The following UBE2K variants were observed in gnomAD, a reference collection of about 807,000 sequenced individuals.
UBE2K encodes ubiquitin conjugating enzyme E2 K.
A neutral mutation model predicts 30.0 loss-of-function variants in UBE2K; 6 were observed. That is an observed-to-expected ratio of 0.20 (90% CI 0.11 to 0.39). UBE2K has a LOEUF of 0.39. Ranked by LOEUF, UBE2K falls within the 10% of genes least tolerant of loss-of-function variation. The pLI is 1.00. For synonymous variants in UBE2K, 86 were observed against 83.7 expected, an observed-to-expected ratio of 1.03 and a Z score of -0.15; for missense variants, 61 against 241.6, an observed-to-expected ratio of 0.25 and a Z score of 4.96.
intron 1 of UBE2K, among the ~76,000 whole-genome samples, chr4:39,725,377 CAAAAAAAAAAAAAAAA>C (rs56021137): frequency 0.012 from 807 of 69,302 alleles, 19 homozygotes; most frequent in African/African-American, 0.046. Flanking sequence ...GACCCTGTCT[CAAAAAAAAAAAAAAAA>C]AAAAAAAAAA....
intron 2 of UBE2K, among the ~76,000 whole-genome samples, chr4:39,740,807 G>A (rs1234172147): frequency 6.8e-6 from 1 of 147,996 alleles, no homozygotes; most frequent in African/African-American, 2.5e-5. Flanking sequence ...AGCTTGCAGT[G>A]AGCCGAGATT....
chr4:39,747,862 C>T (rs1054158133), intron 3 of UBE2K, among the ~76,000 whole-genome samples: 1 of 150,038 alleles, frequency 6.7e-6, no homozygotes, highest in Admixed American at 6.7e-5. Flanking sequence ...AGTACAGTGG[C>T]GCGGTCTCGG....
At chr4:39,768,042 C>T (rs770138258) in intron 4 of UBE2K, among the ~76,000 whole-genome samples, 3 of 152,094 alleles carry the variant, frequency 2.0e-5, no homozygotes, top group Non-Finnish European at 4.4e-5. Flanking sequence ...ATGCTGATAA[C>T]ATCTAGGTAG....
chr4:39,701,375 A>G (rs1298539332), intron 1 of UBE2K, among the ~76,000 whole-genome samples: 1 of 152,160 alleles, frequency 6.6e-6, no homozygotes, highest in African/African-American at 2.4e-5. Flanking sequence ...ACTATTAGTT[A>G]TTGCTGCTGT....
intron 1 of UBE2K, among the ~76,000 whole-genome samples, chr4:39,708,533 AT>A (rs1718501742): frequency 6.6e-6 from 1 of 152,012 alleles, no homozygotes; most frequent in South Asian, 2.1e-4. Context: ...CTAATAACCG[AT>A]TAGTTTTGAG....
At chr4:39,766,780 C>T (rs111709089) in intron 4 of UBE2K, among the ~76,000 whole-genome samples, 6,594 of 152,060 alleles carry the variant, frequency 0.043, 241 homozygotes, top group Middle Eastern at 0.1. Flanking sequence ...GACAGAGTCT[C>T]GCTCTGTCGC....
intron 1 of UBE2K, among the ~76,000 whole-genome samples, chr4:39,705,632 G>C (rs1454145271): frequency 2.0e-5 from 3 of 152,140 alleles, no homozygotes; most frequent in Non-Finnish European, 4.4e-5. Context: ...GGGGCAAAGA[G>C]TAAATGCTAT....
At chr4:39,770,531 G>A (rs755532052) in intron 4 of UBE2K, 133 of 1,602,418 alleles carry the variant, frequency 8.3e-5, no homozygotes, top group South Asian at 1.8e-4. Context: ...CCGCCCCCCG[G>A]GCAACCATGG....
intron 2 of UBE2K, among the ~76,000 whole-genome samples, chr4:39,742,175 G>C (rs1720736931): frequency 6.6e-6 from 1 of 151,176 alleles, no homozygotes; most frequent in South Asian, 2.1e-4. Context: ...TTAATCTGGA[G>C]TTTAATCAGA....
intron 1 of UBE2K, among the ~76,000 whole-genome samples, chr4:39,709,408 C>A (rs1234236012): frequency 6.6e-6 from 1 of 152,002 alleles, no homozygotes; most frequent in African/African-American, 2.4e-5. Flanking sequence ...GTAGTCCACC[C>A]TTATCTGCAG....
chr4:39,698,142 T>C lies in UBE2K; in HGVS notation c.-186T>C. On this transcript the variant is annotated 5_prime_UTR_variant, in exon 1 of 7. Transcript: ENST00000261427. ...GCGCATGCGCCGACCCGGCGCCATT[T>C]TGGTGGCCGGGCGCGGAGGTGATTC... 1.6e-6 allele frequency: 1 copy of C among 635,120 alleles called. No homozygotes were observed. The highest frequency in any genetic ancestry group is 2.9e-6 in the Non-Finnish European group (1 of 350,246). 39.3% of individuals were successfully genotyped at this position (635,120 alleles called of 1,614,324 possible).
At chr4:39,710,049 T>A (rs1433685064) in intron 1 of UBE2K, 3 of 152,082 alleles carry the variant, frequency 2.0e-5, no homozygotes, top group Non-Finnish European at 4.4e-5. Context: ...GAACTTTATT[T>A]CATTGAACAT....
At chr4:39,706,251 C>T (rs1047499653) in intron 1 of UBE2K, among the ~76,000 whole-genome samples, 5 of 151,838 alleles carry the variant, frequency 3.3e-5, no homozygotes, top group Non-Finnish European at 7.4e-5. Context: ...CTCCTGACCT[C>T]GTGATCTGCC....
At chr4:39,730,961 C>A (rs1279911679) in intron 1 of UBE2K, among the ~76,000 whole-genome samples, 1 of 151,770 alleles carries the variant, frequency 6.6e-6, no homozygotes, top group Non-Finnish European at 1.5e-5. Flanking sequence ...CAGGAGTGTG[C>A]CACTATGTCC....
chr4:39,711,425 G>T (rs1718673600), intron 1 of UBE2K, among the ~76,000 whole-genome samples: 1 of 151,812 alleles, frequency 6.6e-6, no homozygotes, highest in Non-Finnish European at 1.5e-5. Context: ...GCCTCCCAAA[G>T]TGCTGAGATT....
chr4:39,745,824 A>T lies in UBE2K; in HGVS notation c.216+14A>T, dbSNP rs79020635. On this transcript the variant is annotated intron_variant, in intron 3 of 6. Transcript: ENST00000261427. ...AATCCCCCTAAGGTATTGTAAGCCT[A>T]TTTTTGTGCATGAAGTTACAAAATA... 1.9e-6 allele frequency: 3 copies of T among 1,564,756 alleles called. No homozygotes were observed. In the Admixed American group the frequency reaches 5.6e-5, roughly 29 times the overall value.
At chr4:39,728,646 T>A (rs1719885985) in intron 1 of UBE2K, among the ~76,000 whole-genome samples, 1 of 151,772 alleles carries the variant, frequency 6.6e-6, no homozygotes, top group African/African-American at 2.4e-5. Context: ...TTTTTTCTTT[T>A]TTTTCTTTTG....
intron 4 of UBE2K, among the ~76,000 whole-genome samples, chr4:39,764,384 T>C (rs186100048): frequency 5.9e-5 from 9 of 152,148 alleles, no homozygotes; most frequent in Non-Finnish European, 8.8e-5. Context: ...CAGCTCTAGA[T>C]TTTTTTTCAA....
Position 39,757,032 on chromosome 4 carries a change from G to GTT in UBE2K, c.299+1302_299+1303dup, listed in dbSNP as rs71194912. ...TTTTGTTTTTTGTTTTTTGTTTTTT[G>GTT]TTTTTTTTTTGAGACAGAGTTTCAC... is the stretch of plus-strand genomic sequence containing the variant. On this transcript the variant is annotated intron_variant, in intron 4 of 6. Transcript: ENST00000261427. Among the ~76,000 whole-genome samples the GTT allele has an allele frequency of 9.2e-5, 10 of 108,810 alleles. 1 individual carries two copies. The highest frequency in any genetic ancestry group is 6.9e-4 in the South Asian group (2 of 2,902). 71.4% of individuals were successfully genotyped at this position (108,810 alleles called of 152,430 possible). A position where few individuals can be genotyped will look rare whatever the true frequency, so the allele number is the denominator to read the frequency against.
Sources: gnomAD v4.1 joint callset for allele counts (sites outside exome capture counted in the v4.1 genomes callset) on GRCh38, gnomAD v4.1.1 for gene constraint, MANE v1.5 for transcripts, NCBI Gene and HGNC (gene_info 2026-07-23, HGNC 2026-07-21) for gene names.